Variants in PCDH15 observed in about 807,000 individuals in gnomAD.
PCDH15 encodes protocadherin-15.
In PCDH15, 129 loss-of-function variants were observed where a neutral mutation model predicts 178.5. The ratio of observed to expected loss-of-function variants is 0.72; its 90% CI spans 0.63 to 0.84. The LOEUF is 0.84. Among genes scored for constraint, PCDH15 ranks in the 40% least tolerant of loss-of-function variants. The pLI is 0.00. For missense variants in PCDH15, 2,230 were observed against 2,099.9 expected (o/e 1.06, Z -1.21); for synonymous variants, 800 against 732.0 (o/e 1.09, Z -1.50).
intron 2 of PCDH15, among the ~76,000 whole-genome samples, chr10:54,956,655 T>C (rs1036802520): frequency 6.6e-6 from 1 of 151,624 alleles, no homozygotes; most frequent in Non-Finnish European, 1.5e-5. Flanking sequence ...GAATTATTGG[T>C]AAAAGTTGTT....
chr10:54,264,980 A>G (rs919465134), intron 8 of PCDH15, among the ~76,000 whole-genome samples: 13 of 152,120 alleles, frequency 8.5e-5, no homozygotes, highest in African/African-American at 3.1e-4. Flanking sequence ...AGGTTAACAC[A>G]AAAGAAAAAA....
At chr10:55,301,067 T>C (rs1358083198) in intron 1 of PCDH15, among the ~76,000 whole-genome samples, 2 of 152,202 alleles carry the variant, frequency 1.3e-5, no homozygotes, top group African/African-American at 4.8e-5. Context: ...TAAACAAACA[T>C]TTGTGAACAG....
intron 1 of PCDH15, among the ~76,000 whole-genome samples, chr10:55,277,652 C>A (rs1842627125): frequency 2.0e-5 from 3 of 151,928 alleles, no homozygotes; most frequent in Admixed American, 2.0e-4. Context: ...TATTATATTC[C>A]CCAAGATGTA....
At chr10:55,210,524 G>A (rs567346691) in intron 1 of PCDH15, among the ~76,000 whole-genome samples, 4 of 150,800 alleles carry the variant, frequency 2.7e-5, no homozygotes, top group African/African-American at 9.8e-5. Flanking sequence ...GAACTAATGG[G>A]GAAATGGTGT....
rs956894704 is a variant in PCDH15, at chr10:53,803,300, G to T, written c.*3279C>A. The stretch of plus-strand genomic sequence containing the variant: ...ATAAATCCCACTTAAGGTATAAAGT[G>T]CAGAAGGTGAAGCAGAGAAAGAGAA... On this transcript the variant is annotated 3_prime_UTR_variant, in exon 38 of 38. Transcript: ENST00000644397. The T allele has an allele frequency of 6.6e-6, 1 of 151,880 alleles. No individual in the cohort carries two copies. Among genetic ancestry groups the T allele is most frequent in the African/African-American group, 2.4e-5 (1 of 41,418 alleles). The allele number at this position is 151,880 out of a possible 1,614,324, so 9.4% of individuals were successfully genotyped here.
intron 25 of PCDH15, among the ~76,000 whole-genome samples, chr10:53,928,584 AT>A (rs2084775823): frequency 6.6e-6 from 1 of 151,964 alleles, no homozygotes. Context: ...TCTGTTTTCT[AT>A]TTCTGCAAAG....
chr10:54,880,289 C>T (rs1182634934), intron 3 of PCDH15, among the ~76,000 whole-genome samples: 1 of 152,100 alleles, frequency 6.6e-6, no homozygotes, highest in Non-Finnish European at 1.5e-5. Context: ...GCCCTTATGG[C>T]TCTAACATGA....
At chr10:54,722,665 C>G (rs1297838442) in intron 1 of PCDH15, among the ~76,000 whole-genome samples, 1 of 151,260 alleles carries the variant, frequency 6.6e-6, no homozygotes, top group African/African-American at 2.4e-5. Flanking sequence ...CCCAGAAGAC[C>G]TCTCCACTTG....
intron 1 of PCDH15, among the ~76,000 whole-genome samples, chr10:55,240,503 C>T (rs1025140623): frequency 1.3e-5 from 2 of 152,100 alleles, no homozygotes; most frequent in African/African-American, 4.8e-5. Flanking sequence ...TTGTGAAACA[C>T]CTAAAAATGA....
chr10:54,512,361 G>T lies in PCDH15; in HGVS notation c.157+15451C>A, dbSNP rs74136204. Among the ~76,000 whole-genome samples, 492 of 58,282 alleles carry T rather than the reference G, an allele frequency of 8.4e-3. 4 individuals carry two copies. The East Asian group carries it at 0.17, about 20-fold the overall frequency. 38.2% of individuals were successfully genotyped at this position (58,282 alleles called of 152,430 possible). On this transcript the variant is annotated intron_variant, in intron 3 of 37. Transcript: ENST00000644397. Reference sequence around the variant, plus strand: ...ACATGGTATAGACATTTCTGGCATTGTGTGTGTGTGTGTGTGTGTGTGTGT... The same window carrying T: ...ACATGGTATAGACATTTCTGGCATTTTGTGTGTGTGTGTGTGTGTGTGTGT...
chr10:55,568,788 A>G (rs1353870683), intron 2 of PCDH15, among the ~76,000 whole-genome samples: 2 of 152,052 alleles, frequency 1.3e-5, no homozygotes, highest in African/African-American at 4.8e-5. Context: ...CAGATCCTTG[A>G]TCACTAGGGA....
intron 2 of PCDH15, among the ~76,000 whole-genome samples, chr10:55,490,757 CATTT>C (rs1417921601): frequency 6.6e-6 from 1 of 151,716 alleles, no homozygotes; most frequent in East Asian, 2.0e-4. Flanking sequence ...GAAATTACCA[CATTT>C]AATAGAAAGC....
chr10:54,272,667 G>C (rs12267088), intron 8 of PCDH15, among the ~76,000 whole-genome samples: 3,612 of 152,194 alleles, frequency 0.024, 154 homozygotes, highest in African/African-American at 0.083. Flanking sequence ...CTAAAACTGA[G>C]CATACAGACA....
At chr10:54,982,052 G>T (rs1839247291) in intron 2 of PCDH15, among the ~76,000 whole-genome samples, 1 of 151,888 alleles carries the variant, frequency 6.6e-6, no homozygotes, top group Non-Finnish European at 1.5e-5. Flanking sequence ...TTACAGGAGT[G>T]AGCCACTGCA....
intron 2 of PCDH15, among the ~76,000 whole-genome samples, chr10:55,019,959 C>T (rs1340623499): frequency 6.6e-6 from 1 of 151,716 alleles, no homozygotes; most frequent in Admixed American, 6.6e-5. Context: ...TCTTGAACCC[C>T]CAGCCAAATC....
chr10:55,002,553 G>A (rs75714116), intron 2 of PCDH15, among the ~76,000 whole-genome samples: 55 of 14,660 alleles, frequency 3.8e-3, no homozygotes, highest in African/African-American at 0.01. Context: ...TTTCTGACAT[G>A]TTAGAGAGAA....
chr10:55,623,412 T>C (rs1469000256), intron 2 of PCDH15, among the ~76,000 whole-genome samples: 1 of 152,112 alleles, frequency 6.6e-6, no homozygotes, highest in Non-Finnish European at 1.5e-5. Context: ...GTGATCTTCT[T>C]TTAAAACACA....
At chr10:55,150,886 A>G (rs531194567) in intron 2 of PCDH15, among the ~76,000 whole-genome samples, 2 of 152,258 alleles carry the variant, frequency 1.3e-5, no homozygotes, top group South Asian at 4.1e-4. Flanking sequence ...GCTGTTTAAT[A>G]CTAAAATAAG....
chr10:54,048,251 TTTC>T (rs1425566702), intron 18 of PCDH15, among the ~76,000 whole-genome samples: 1 of 152,112 alleles, frequency 6.6e-6, no homozygotes, highest in Non-Finnish European at 1.5e-5. Context: ...AATGGCCTTA[TTTC>T]TTTTTTGTTT....
Sources: allele counts gnomAD v4.1 joint callset (sites outside exome capture counted in the v4.1 genomes callset), GRCh38; gene constraint gnomAD v4.1.1; transcripts MANE v1.5; gene names NCBI Gene and HGNC (gene_info 2026-07-23, HGNC 2026-07-21).